The following FNDC3B variants were observed in gnomAD, a reference collection of about 807,000 sequenced individuals.
FNDC3B encodes fibronectin type III domain containing 3B.
Under a neutral mutation model 151.5 loss-of-function variants are expected in FNDC3B, and 12 were observed. That is an observed-to-expected ratio of 0.08 (90% CI 0.05 to 0.13). The LOEUF is 0.13. Among genes scored for constraint, FNDC3B ranks in the 10% least tolerant of loss-of-function variants. The pLI, the probability that FNDC3B is intolerant of heterozygous loss-of-function variation, is 1.00. For synonymous variants in FNDC3B, 528 were observed against 549.0 expected (o/e 0.96, Z 0.54); for missense variants, 1,214 against 1,505.3 (o/e 0.81, Z 3.20).
intron 22 of FNDC3B, among the ~76,000 whole-genome samples, chr3:172,355,595 C>T (rs987568783): frequency 6.6e-6 from 1 of 152,156 alleles, no homozygotes. Flanking sequence ...AACCTTGGCC[C>T]TAGAGCAGTG....
chr3:172,096,307 G>A (rs193301785), intron 1 of FNDC3B, among the ~76,000 whole-genome samples: 1 of 152,234 alleles, frequency 6.6e-6, no homozygotes, highest in Non-Finnish European at 1.5e-5. Context: ...ACCTATAAAC[G>A]TAGAAACAAG....
rs766228369 is a variant in FNDC3B at position 172,310,927 on chromosome 3, A to T, written c.1254+46A>T. On this transcript the variant is annotated intron_variant, in intron 11 of 25. Transcript: ENST00000415807. ...ACCCATCTAAAACACCATTTCAAAA[A>T]CAAAATTAACTGAACAAATGCCATC... 3 of 1,294,646 alleles carry T rather than the reference A, an allele frequency of 2.3e-6. No individual in the cohort carries two copies. The Admixed American group carries it at 5.0e-5, about 22-fold the overall frequency. 80.2% of individuals were successfully genotyped at this position (1,294,646 alleles called of 1,614,324 possible). A position where few individuals can be genotyped will look rare whatever the true frequency, so the allele number is the denominator to read the frequency against.
chr3:172,141,982 G>C (rs928819474), intron 3 of FNDC3B, among the ~76,000 whole-genome samples: 1 of 152,168 alleles, frequency 6.6e-6, no homozygotes, highest in Non-Finnish European at 1.5e-5. Flanking sequence ...AGATTGCCTG[G>C]CTCAAAAATC....
chr3:172,129,922 T>C (rs1720985344), intron 2 of FNDC3B, among the ~76,000 whole-genome samples: 1 of 151,936 alleles, frequency 6.6e-6, no homozygotes, highest in Non-Finnish European at 1.5e-5. Context: ...TGGACAGCGA[T>C]GTTCTGTATC....
chr3:172,335,200 T>C, intron 15 of FNDC3B, 118 bp downstream of exon 15: 1 of 1,026,402 alleles, frequency 9.7e-7, no homozygotes, highest in Non-Finnish European at 1.4e-6. Flanking sequence ...TTTGCAGAAG[T>C]TTTCTGCATT....
At chr3:172,376,222 T>A (rs1192770601) in intron 23 of FNDC3B, among the ~76,000 whole-genome samples, 1 of 152,258 alleles carries the variant, frequency 6.6e-6, no homozygotes. Flanking sequence ...TAAATTGATA[T>A]GTATGTTATC....
chr3:172,209,175 G>A (rs1257706038), intron 3 of FNDC3B, among the ~76,000 whole-genome samples: 1 of 152,148 alleles, frequency 6.6e-6, no homozygotes, highest in Admixed American at 6.5e-5. Flanking sequence ...AGCTCTTTCA[G>A]TCATGCTTGC....
chr3:172,160,219 T>C (rs914160921), intron 3 of FNDC3B, among the ~76,000 whole-genome samples: 1 of 152,220 alleles, frequency 6.6e-6, no homozygotes, highest in Non-Finnish European at 1.5e-5. Flanking sequence ...AATAGGAACC[T>C]CTGTTCATAG....
chr3:172,224,239 G>A (rs6794186), intron 3 of FNDC3B, among the ~76,000 whole-genome samples: 51,004 of 152,066 alleles, frequency 0.34, 9,022 homozygotes, highest in East Asian at 0.44. Flanking sequence ...AAAATGCTGA[G>A]GCTGACAAGA....
intron 3 of FNDC3B, among the ~76,000 whole-genome samples, chr3:172,216,175 T>C: frequency 6.6e-6 from 1 of 152,224 alleles, no homozygotes; most frequent in Admixed American, 6.5e-5. Flanking sequence ...GCTGTTGATA[T>C]TTGCAGGGAC....
chr3:172,270,364 T>A (rs1729139174), intron 6 of FNDC3B, among the ~76,000 whole-genome samples: 1 of 152,248 alleles, frequency 6.6e-6, no homozygotes, highest in Non-Finnish European at 1.5e-5. Flanking sequence ...AACTCTACTA[T>A]GGCTGCTGCC....
intron 25 of FNDC3B, among the ~76,000 whole-genome samples, chr3:172,383,403 A>C (rs1381761963): frequency 6.6e-6 from 1 of 152,218 alleles, no homozygotes; most frequent in Non-Finnish European, 1.5e-5. Flanking sequence ...CAATCATGTC[A>C]TCGAGGAGAA....
At chr3:172,222,912 C>T (rs886494536) in intron 3 of FNDC3B, among the ~76,000 whole-genome samples, 5 of 152,170 alleles carry the variant, frequency 3.3e-5, no homozygotes, top group African/African-American at 1.2e-4. Context: ...TCTCCAAGAG[C>T]TTGTGTGGTC....
intron 2 of FNDC3B, among the ~76,000 whole-genome samples, chr3:172,122,581 C>A (rs760310556): frequency 2.6e-5 from 4 of 152,238 alleles, no homozygotes; most frequent in Non-Finnish European, 4.4e-5. Flanking sequence ...CTGCCCTGGG[C>A]CTTTTTCCTT....
Position 172,330,703 on chromosome 3 carries a change from G to C in FNDC3B, c.1542G>C (p.Gln514His). The change falls in exon 13 of 26, where the codon CAG (glutamine) becomes CAC (histidine). Residue 514 changes from glutamine to histidine, a missense_variant. By Grantham distance (24) the Gln-to-His change is conservative. Transcript: ENST00000415807. ...TGATCACCTACACCTTGGAAATTCA[G>C]GAGGATGAAAATGTGAGTTTTACAG... ...EEVITYTLEI[Q>H]EDENDNLFHP... The C allele has an allele frequency of 3.1e-6, 5 of 1,612,742 alleles. No homozygotes were observed. The highest frequency in any genetic ancestry group is 4.2e-6 in the Non-Finnish European group (5 of 1,179,170).
chr3:172,286,948 G>A (rs1395563988), intron 7 of FNDC3B, among the ~76,000 whole-genome samples: 3 of 152,184 alleles, frequency 2.0e-5, no homozygotes, highest in African/African-American at 7.2e-5. Flanking sequence ...AAATTAGGGT[G>A]GTGACATCTG....
At chr3:172,062,449 T>C (rs9871571) in intron 1 of FNDC3B, among the ~76,000 whole-genome samples, 14,803 of 151,908 alleles carry the variant, frequency 0.097, 920 homozygotes, top group East Asian at 0.2. Flanking sequence ...GTAGCTGGGA[T>C]GACAGATGTG....
chr3:172,264,912 T>C (rs934803614), intron 6 of FNDC3B, among the ~76,000 whole-genome samples: 1 of 152,228 alleles, frequency 6.6e-6, no homozygotes, highest in African/African-American at 2.4e-5. Flanking sequence ...TGCTAGATTG[T>C]CCTTGTCATC....
rs1315451789 is a variant in FNDC3B at position 172,177,617 on chromosome 3, T to C, written c.187+44071T>C. 2.7e-5 allele frequency among the ~76,000 whole-genome samples: 4 copies of C among 147,458 alleles called. No individual in the cohort carries two copies. The Admixed American group carries it at 2.8e-4, about 10-fold the overall frequency. ...ATAGCTCTGAGGAAGGAATCATTTT[T>C]ACCACCATCTTTTTTTTTTTTTTTT... is the stretch of plus-strand genomic sequence containing the variant. On this transcript the variant is annotated intron_variant, in intron 3 of 25. Coordinates refer to ENST00000415807, the MANE Select transcript of FNDC3B (RefSeq NM_022763.4).
Sources: allele counts gnomAD v4.1 joint callset (sites outside exome capture counted in the v4.1 genomes callset), GRCh38; gene constraint gnomAD v4.1.1; transcripts MANE v1.5; gene names NCBI Gene and HGNC (gene_info 2026-07-23, HGNC 2026-07-21).